BNC2: variants seen among roughly 807,000 people sequenced by gnomAD.
BNC2 encodes the protein zinc finger protein basonuclin-2.
BNC2 carries 20 observed loss-of-function variants against 76.3 expected under a neutral mutation model. The observed-to-expected ratio is 0.26, with a 90% CI of 0.18 to 0.38. The LOEUF is 0.38. BNC2 is among the 10% of genes least tolerant of loss of function. The probability of loss-of-function intolerance (pLI) is 1.00; values close to 1 mark genes in which losing one functional copy is unlikely to be tolerated. For synonymous variants in BNC2, 582 were observed against 514.8 expected (o/e 1.13, Z -1.77); for missense variants, 1,382 against 1,399.8 (o/e 0.99, Z 0.20).
chr9:16,791,116 C>G (rs1817494238), intron 1 of BNC2, among the ~76,000 whole-genome samples: 1 of 151,872 alleles, frequency 6.6e-6, no homozygotes, highest in African/African-American at 2.4e-5. Flanking sequence ...GGCTAGAGTG[C>G]AGTGGCATGA....
intron 3 of BNC2, among the ~76,000 whole-genome samples, chr9:16,724,342 A>C (rs996066805): frequency 6.6e-6 from 1 of 152,038 alleles, no homozygotes; most frequent in African/African-American, 2.4e-5. Flanking sequence ...GATTAAAAAA[A>C]AAACTTTGAA....
At chr9:16,463,000 C>T (rs550802570) in intron 5 of BNC2, among the ~76,000 whole-genome samples, 22 of 152,258 alleles carry the variant, frequency 1.4e-4, no homozygotes, top group East Asian at 1.2e-3. Flanking sequence ...TCATTTCCCC[C>T]GCAGCCCACC....
chr9:16,635,199 T>G (rs994693485), intron 3 of BNC2, among the ~76,000 whole-genome samples: 1 of 152,180 alleles, frequency 6.6e-6, no homozygotes, highest in African/African-American at 2.4e-5. Context: ...TAAAAAGAGA[T>G]TAACTTTAAT....
At chr9:16,856,212 C>T (rs2136183241) in intron 1 of BNC2, among the ~76,000 whole-genome samples, 1 of 152,186 alleles carries the variant, frequency 6.6e-6, no homozygotes, top group African/African-American at 2.4e-5. Flanking sequence ...CTACCCTCCC[C>T]CATAAGGAAG....
At chr9:16,433,431 C>T (rs914319311) in intron 6 of BNC2, among the ~76,000 whole-genome samples, 2 of 152,106 alleles carry the variant, frequency 1.3e-5, no homozygotes, top group African/African-American at 4.8e-5. Context: ...TGTGACTGAA[C>T]ACCCTGGGAG....
intron 1 of BNC2, among the ~76,000 whole-genome samples, chr9:16,868,892 A>G (rs1819608119): frequency 6.6e-6 from 1 of 152,260 alleles, no homozygotes; most frequent in East Asian, 1.9e-4. Flanking sequence ...ACACTAAGTA[A>G]CGTGCCAGAA....
chr9:16,862,494 C>T lies in BNC2; in HGVS notation c.3+8152G>A, dbSNP rs10962644. Among the ~76,000 whole-genome samples, 601 of 152,274 alleles carry T rather than the reference C, an allele frequency of 3.9e-3. 3 individuals carry two copies. Among genetic ancestry groups the T allele is most frequent in the Non-Finnish European group, 6.7e-3 (458 of 68,020 alleles). On this transcript the variant is annotated intron_variant, in intron 1 of 6. Transcript: ENST00000380672. ...GCTATCAAAAGTAGGTGGAATAGAACAGGGCCTCTATAGATACCCCGTCCC... is the reference window on the plus strand; with the variant it reads ...GCTATCAAAAGTAGGTGGAATAGAATAGGGCCTCTATAGATACCCCGTCCC...
chr9:16,469,484 C>G (rs1821773147), intron 5 of BNC2, among the ~76,000 whole-genome samples: 2 of 152,208 alleles, frequency 1.3e-5, no homozygotes, highest in South Asian at 2.1e-4. Context: ...ATTCTGAGGC[C>G]TCCTTAGCCA....
At chr9:16,497,353 A>G (rs1298437706) in intron 5 of BNC2, among the ~76,000 whole-genome samples, 1 of 152,262 alleles carries the variant, frequency 6.6e-6, no homozygotes, top group African/African-American at 2.4e-5. Context: ...TGATGAAAGT[A>G]TAGCACTGAA....
intron 5 of BNC2, among the ~76,000 whole-genome samples, chr9:16,525,972 T>C (rs1217570694): frequency 1.3e-5 from 2 of 152,172 alleles, no homozygotes; most frequent in African/African-American, 4.8e-5. Context: ...GAGTCTATCC[T>C]TGAACTTATG....
chr9:16,766,758 G>A (rs2135425378), intron 1 of BNC2, among the ~76,000 whole-genome samples: 1 of 152,250 alleles, frequency 6.6e-6, no homozygotes, highest in South Asian at 2.1e-4. Context: ...TCATCAAATG[G>A]CCAGAAATAA....
At chr9:16,552,504 G>C (rs377201388) in intron 5 of BNC2, 26 bp downstream of exon 5, 25 of 1,603,536 alleles carry the variant, frequency 1.6e-5, no homozygotes, top group Middle Eastern at 1.7e-4. Context: ...CCCCGGACAC[G>C]GGCGGCGTTC....
chr9:16,669,384 T>A (rs1240914915), intron 3 of BNC2, among the ~76,000 whole-genome samples: 1 of 152,146 alleles, frequency 6.6e-6, no homozygotes, highest in Non-Finnish European at 1.5e-5. Flanking sequence ...CCTCAAATAA[T>A]CCAACTATCC....
At chr9:16,769,887 T>C (rs1236936192) in intron 1 of BNC2, among the ~76,000 whole-genome samples, 2 of 152,122 alleles carry the variant, frequency 1.3e-5, no homozygotes, top group Non-Finnish European at 2.9e-5. Flanking sequence ...ACCTGTGGCA[T>C]TTTCAGGCTC....
chr9:16,783,156 T>C (rs181754323), intron 1 of BNC2, among the ~76,000 whole-genome samples: 89 of 152,302 alleles, frequency 5.8e-4, no homozygotes, highest in African/African-American at 2.0e-3. Context: ...CAGAAGTAAG[T>C]TGAAATTAAG....
intron 3 of BNC2, among the ~76,000 whole-genome samples, chr9:16,697,614 G>GA (rs71327844): frequency 0.6 from 90,689 of 151,214 alleles, 30,945 homozygotes; most frequent in Non-Finnish European, 0.79. Context: ...CCAGCTAGTT[G>GA]GGAGGCTAAG....
intron 5 of BNC2, among the ~76,000 whole-genome samples, chr9:16,448,892 CAT>C: frequency 6.6e-6 from 1 of 152,180 alleles, no homozygotes; most frequent in East Asian, 1.9e-4. Context: ...GGCACCCACA[CAT>C]ACACATGTGT....
chr9:16,867,425 A>C (rs1318978910), intron 1 of BNC2: 2 of 152,190 alleles, frequency 1.3e-5, no homozygotes, highest in African/African-American at 2.4e-5. Context: ...ATACAGTTGA[A>C]GTATGCCATC....
At chr9:16,644,882 T>G (rs1002981309) in intron 3 of BNC2, among the ~76,000 whole-genome samples, 18 of 152,206 alleles carry the variant, frequency 1.2e-4, no homozygotes, top group African/African-American at 4.3e-4. Context: ...TACTTTGCTT[T>G]TTCTCTTTCA....
Sources: allele counts gnomAD v4.1 joint callset (sites outside exome capture counted in the v4.1 genomes callset), GRCh38; gene constraint gnomAD v4.1.1; transcripts MANE v1.5; gene names NCBI Gene and HGNC (gene_info 2026-07-23, HGNC 2026-07-21).